CCDC171: variants seen among roughly 807,000 people sequenced by gnomAD.
The protein encoded by CCDC171 is coiled-coil domain containing 171, also known as coiled-coil domain-containing protein 171.
Under a neutral mutation model 168.2 loss-of-function variants are expected in CCDC171, and 177 were observed. That is an observed-to-expected ratio of 1.05 (90% CI 0.93 to 1.19). The LOEUF is 1.19. Ranked by LOEUF, CCDC171 falls within the 50% of genes most tolerant of loss-of-function variation. The pLI, the probability that CCDC171 is intolerant of heterozygous loss-of-function variation, is 0.00. For synonymous variants in CCDC171, 687 were observed against 540.8 expected (o/e 1.27, Z -3.75); for missense variants, 1,991 against 1,539.0 (o/e 1.29, Z -4.91).
At chr9:15,642,539 A>G (rs1434121151) in intron 7 of CCDC171, among the ~76,000 whole-genome samples, 2 of 151,350 alleles carry the variant, frequency 1.3e-5, no homozygotes, top group African/African-American at 2.4e-5. Flanking sequence ...TTCCTCTAGC[A>G]CCCTCTGCTG....
intron 21 of CCDC171, among the ~76,000 whole-genome samples, chr9:15,812,461 T>C (rs2059397425): frequency 6.6e-6 from 1 of 152,176 alleles, no homozygotes; most frequent in Non-Finnish European, 1.5e-5. Flanking sequence ...ACCCCACAAG[T>C]CTGGACTAAA....
intron 24 of CCDC171, among the ~76,000 whole-genome samples, chr9:15,891,712 A>G (rs1386173715): frequency 6.6e-6 from 1 of 152,202 alleles, no homozygotes; most frequent in Non-Finnish European, 1.5e-5. Flanking sequence ...ATCTTAATGT[A>G]ATCAAGTGGA....
intron 2 of CCDC171, among the ~76,000 whole-genome samples, chr9:15,570,852 G>A (rs1168457349): frequency 1.3e-5 from 2 of 152,172 alleles, no homozygotes; most frequent in African/African-American, 4.8e-5. Flanking sequence ...TGTATCTAAT[G>A]TCTTCTGATC....
rs36197458 is a variant in CCDC171, at chr9:15,790,811, G to T, written c.3267+6117G>T. 3.3e-5 allele frequency among the ~76,000 whole-genome samples: 5 copies of T among 151,998 alleles called. No homozygotes were observed. In the East Asian group the frequency reaches 9.7e-4, roughly 29 times the overall value. ...AAGGGATCCAGTTTCAGCTTTCTAC[G>T]TATGGCTAGCCAGTTTTCTCAGCAC... On this transcript the variant is annotated intron_variant, in intron 21 of 25. Transcript: ENST00000380701.
Position 16,059,180 on chromosome 9 carries a change from C to T in CCDC171, n.90-1466C>T, listed in dbSNP as rs557474565. Reference sequence around the variant, plus strand: ...TTACAATTATAACAGCTGCCATTTCCCTACCACGTTATTGTTTCCAAAGCA... The same window carrying T: ...TTACAATTATAACAGCTGCCATTTCTCTACCACGTTATTGTTTCCAAAGCA... On this transcript the variant is annotated intron_variant and non_coding_transcript_variant, in intron 1 of 1. Transcript: ENST00000478913. 3.9e-5 allele frequency among the ~76,000 whole-genome samples: 6 copies of T among 152,318 alleles called. No homozygotes were observed. The South Asian group carries it at 1.0e-3, about 26-fold the overall frequency.
chr9:16,034,148 C>T (rs1451000217), intron 6 of CCDC171, among the ~76,000 whole-genome samples: 3 of 152,200 alleles, frequency 2.0e-5, no homozygotes, highest in Admixed American at 6.5e-5. Context: ...GGGAAGGAAG[C>T]AACAACGTGC....
chr9:15,878,517 T>C (rs779180208), intron 24 of CCDC171, among the ~76,000 whole-genome samples: 89 of 152,196 alleles, frequency 5.8e-4, no homozygotes, highest in Admixed American at 7.2e-4. Context: ...GGAATGCTTA[T>C]ACACTGTTGG....
At chr9:15,704,480 C>T (rs2052052133) in intron 11 of CCDC171, among the ~76,000 whole-genome samples, 1 of 152,160 alleles carries the variant, frequency 6.6e-6, no homozygotes, top group Admixed American at 6.5e-5. Flanking sequence ...CTTGACATAC[C>T]TTTCAGTTTA....
At chr9:15,802,695 G>A (rs143107934) in intron 21 of CCDC171, among the ~76,000 whole-genome samples, 91 of 152,118 alleles carry the variant, frequency 6.0e-4, no homozygotes, top group East Asian at 2.3e-3. Flanking sequence ...CTTTGCTATC[G>A]TAAATAGTGC....
chr9:15,599,726 T>C (rs1052746938), intron 6 of CCDC171, among the ~76,000 whole-genome samples: 1 of 152,196 alleles, frequency 6.6e-6, no homozygotes, highest in African/African-American at 2.4e-5. Flanking sequence ...TTCTCCTGGA[T>C]AATATCCTGC....
At chr9:16,011,115 A>T (rs1832856644) in intron 3 of CCDC171, among the ~76,000 whole-genome samples, 1 of 152,268 alleles carries the variant, frequency 6.6e-6, no homozygotes, top group South Asian at 2.1e-4. Context: ...AGAAGGTGCA[A>T]CACATGCCCC....
chr9:15,845,373 A>G (rs1383607470), intron 21 of CCDC171, among the ~76,000 whole-genome samples: 1 of 152,018 alleles, frequency 6.6e-6, no homozygotes, highest in East Asian at 1.9e-4. Flanking sequence ...TAATTTTTTG[A>G]TTTATATTTG....
chr9:15,721,935 C>G, intron 12 of CCDC171, 60 bp downstream of exon 12: 1 of 768,608 alleles, frequency 1.3e-6, no homozygotes, highest in Non-Finnish European at 1.9e-6. Flanking sequence ...AGTACGTATT[C>G]CTTGCTTGTT....
At chr9:15,611,848 G>T (rs1267865559) in intron 6 of CCDC171, among the ~76,000 whole-genome samples, 1 of 152,082 alleles carries the variant, frequency 6.6e-6, no homozygotes, top group African/African-American at 2.4e-5. Context: ...GTTTTGCTAG[G>T]GTCTGGATGT....
chr9:16,037,642 A>G (rs771138993), intron 8 of CCDC171, among the ~76,000 whole-genome samples: 37 of 152,332 alleles, frequency 2.4e-4, no homozygotes, highest in Non-Finnish European at 3.8e-4. Flanking sequence ...AGGTACCATG[A>G]AAAAATAAAA....
Position 15,711,534 on chromosome 9 carries a change from A to G in CCDC171, c.1319-10235A>G, listed in dbSNP as rs1419546606. Reference sequence around the variant, plus strand: ...CCATTTTAGTGATAGAATATTAAGAATTATAAATATAAGAAGTAACTGTGA... The same window carrying G: ...CCATTTTAGTGATAGAATATTAAGAGTTATAAATATAAGAAGTAACTGTGA... On this transcript the variant is annotated intron_variant, in intron 11 of 25. Coordinates refer to ENST00000380701, the MANE Select transcript of CCDC171 (RefSeq NM_173550.4). 3.9e-5 allele frequency among the ~76,000 whole-genome samples: 6 copies of G among 152,320 alleles called. No individual in the cohort carries two copies. In the East Asian group the frequency reaches 7.7e-4, roughly 20 times the overall value.
At position 15,630,296 on chromosome 9, in the gene CCDC171, A is replaced by G. The variant is rs530215939; in HGVS notation, c.822+6883A>G. ...CAGGAAACCCATCTCACGTGCAGAG[A>G]CACACATAGGCTCAAAATAAAAGGA... On this transcript the variant is annotated intron_variant, in intron 7 of 25. Transcript: ENST00000380701. Among the ~76,000 whole-genome samples the G allele has an allele frequency of 3.2e-4, 48 of 152,342 alleles. No homozygotes were observed. In the East Asian group the frequency reaches 6.9e-3, roughly 22 times the overall value.
chr9:15,768,731 AC>A (rs1564372030), intron 18 of CCDC171, among the ~76,000 whole-genome samples: 1 of 152,146 alleles, frequency 6.6e-6, no homozygotes, highest in South Asian at 2.1e-4. Context: ...TTCTATAGAT[AC>A]ATTATTTTAA....
intron 4 of CCDC171, among the ~76,000 whole-genome samples, chr9:15,583,768 C>G (rs1250700855): frequency 1.3e-5 from 2 of 151,012 alleles, no homozygotes; most frequent in East Asian, 2.0e-4. Context: ...GTTCCCCAAA[C>G]TATTGAAATA....
Sources: gnomAD v4.1 joint callset for allele counts (sites outside exome capture counted in the v4.1 genomes callset) on GRCh38, gnomAD v4.1.1 for gene constraint, MANE v1.5 for transcripts, NCBI Gene and HGNC (gene_info 2026-07-23, HGNC 2026-07-21) for gene names.